Variants in CCDC122 observed in about 807,000 individuals in gnomAD.
CCDC122 encodes the protein coiled-coil domain-containing protein 122.
A neutral mutation model predicts 37.0 loss-of-function variants in CCDC122; 38 were observed. That is an observed-to-expected ratio of 1.03 (90% CI 0.79 to 1.35). CCDC122 has a LOEUF of 1.35. CCDC122 is among the 40% of genes most tolerant of loss of function. The pLI, the probability that CCDC122 is intolerant of heterozygous loss-of-function variation, is 0.00. For missense variants in CCDC122, 305 were observed against 310.0 expected (o/e 0.98, Z 0.12); for synonymous variants, 83 against 95.6 (o/e 0.87, Z 0.77).
intron 6 of CCDC122, chr13:43,854,773 A>T (rs933701420): frequency 6.6e-6 from 1 of 152,234 alleles, no homozygotes; most frequent in Admixed American, 6.5e-5. Flanking sequence ...AAGCTTATCC[A>T]TCACCATCAA....
chr13:43,861,821 C>A (rs1954113458), intron 4 of CCDC122, among the ~76,000 whole-genome samples: 1 of 152,142 alleles, frequency 6.6e-6, no homozygotes, highest in Admixed American at 6.5e-5. Flanking sequence ...AATTTACACA[C>A]CAAACATATT....
intron 6 of CCDC122, among the ~76,000 whole-genome samples, chr13:43,853,690 T>C (rs1427922122): frequency 6.6e-6 from 1 of 152,202 alleles, no homozygotes; most frequent in Non-Finnish European, 1.5e-5. Context: ...GAATATACAT[T>C]ATTCTCATCG....
Position 43,859,913 on chromosome 13 carries a change from A to G in CCDC122, c.314T>C (p.Val105Ala), listed in dbSNP as rs1349304691. 2 of 1,610,118 alleles carry G rather than the reference A, an allele frequency of 1.2e-6. No homozygotes were observed. The highest frequency in any genetic ancestry group is 1.3e-5 in the African/African-American group (1 of 74,814). The change falls in exon 5 of 7, where the codon GTA (valine) becomes GCA (alanine). Residue 105 changes from valine (V) to alanine (A), a missense_variant. Physicochemically the swap from Val to Ala is moderately conservative, Grantham distance 64 (BLOSUM62 0). Transcript: ENST00000444614. ...TQIKSLHSEN[V>A]KLKFDIETAQ... ...TGTTTCTATGTCAAATTTAAGCTTTACATTTTCTGAATGTAAGGATTTGAT... is the reference window on the plus strand; with the variant it reads ...TGTTTCTATGTCAAATTTAAGCTTTGCATTTTCTGAATGTAAGGATTTGAT...
At chr13:43,838,641 A>AG (rs1277345476) in intron 6 of CCDC122, among the ~76,000 whole-genome samples, 1 of 152,232 alleles carries the variant, frequency 6.6e-6, no homozygotes, top group African/African-American at 2.4e-5. Flanking sequence ...AATTGACACA[A>AG]GGCTGAGCAA....
chr13:43,823,542 T>C (rs1026241964), downstream of CCDC122, among the ~76,000 whole-genome samples: 2 of 152,240 alleles, frequency 1.3e-5, no homozygotes, highest in Non-Finnish European at 2.9e-5. Context: ...CCTTGTGCCC[T>C]AGATTACTCT....
downstream of CCDC122, among the ~76,000 whole-genome samples, chr13:43,834,304 T>G (rs1169014857): frequency 1.1e-4 from 17 of 152,128 alleles, no homozygotes; most frequent in Admixed American, 1.1e-3. Context: ...ATACAAAAAC[T>G]AATTCAAGAT....
At chr13:43,824,927 C>A (rs1362598186) in intron 3 of CCDC122, among the ~76,000 whole-genome samples, 1 of 152,130 alleles carries the variant, frequency 6.6e-6, no homozygotes, top group African/African-American at 2.4e-5. Context: ...AGAGAAAAGA[C>A]AATGCTTATA....
At chr13:43,854,848 AT>A (rs1953855639) in intron 6 of CCDC122, 1 of 152,222 alleles carries the variant, frequency 6.6e-6, no homozygotes, top group Admixed American at 6.5e-5. Flanking sequence ...ATGATTCATC[AT>A]ATAAACAGAA....
chr13:43,836,070 G>C (rs1953153173), downstream of CCDC122, among the ~76,000 whole-genome samples: 1 of 152,116 alleles, frequency 6.6e-6, no homozygotes, highest in Non-Finnish European at 1.5e-5. Flanking sequence ...AGAAAGGTAA[G>C]GAGAAAATGG....
At chr13:43,824,991 G>T (rs1356162214) in intron 3 of CCDC122, among the ~76,000 whole-genome samples, 1 of 152,106 alleles carries the variant, frequency 6.6e-6, no homozygotes, top group Non-Finnish European at 1.5e-5. Flanking sequence ...CAATTTGAAG[G>T]TTTCTCAAAA....
chr13:43,840,599 T>C (rs1309877532), intron 6 of CCDC122, among the ~76,000 whole-genome samples: 1 of 152,094 alleles, frequency 6.6e-6, no homozygotes, highest in Non-Finnish European at 1.5e-5. Context: ...GTGTTCTCAT[T>C]GTTCAATTCC....
At chr13:43,845,669 G>A (rs1375505150) in intron 6 of CCDC122, among the ~76,000 whole-genome samples, 1 of 152,128 alleles carries the variant, frequency 6.6e-6, no homozygotes, top group African/African-American at 2.4e-5. Flanking sequence ...CTGAGATCTT[G>A]CCACTGCACT....
At chr13:43,866,512 A>T (rs953336471) in intron 4 of CCDC122, among the ~76,000 whole-genome samples, 1 of 152,208 alleles carries the variant, frequency 6.6e-6, no homozygotes, top group African/African-American at 2.4e-5. Context: ...TTTCATGTAT[A>T]AATAAAATTG....
chr13:43,825,467 G>T (rs1396625825), intron 3 of CCDC122, among the ~76,000 whole-genome samples: 1 of 150,924 alleles, frequency 6.6e-6, no homozygotes, highest in East Asian at 2.0e-4. Context: ...TAGAGATTGG[G>T]GACTCTAAAA....
intron 3 of CCDC122, among the ~76,000 whole-genome samples, chr13:43,830,021 A>T (rs950548066): frequency 2.6e-5 from 4 of 151,672 alleles, no homozygotes; most frequent in Admixed American, 6.6e-5. Flanking sequence ...GATTACAGGG[A>T]CGCATCACCA....
intron 6 of CCDC122, among the ~76,000 whole-genome samples, chr13:43,853,755 A>G (rs1953819642): frequency 6.6e-6 from 1 of 152,242 alleles, no homozygotes; most frequent in Admixed American, 6.5e-5. Context: ...AACACTCCTC[A>G]GCAAATGTGA....
chr13:43,839,856 C>T (rs548204443), intron 6 of CCDC122, among the ~76,000 whole-genome samples: 8 of 152,118 alleles, frequency 5.3e-5, no homozygotes, highest in Admixed American at 1.3e-4. Flanking sequence ...ATGAATGATT[C>T]GCAAACTGGA....
At chr13:43,876,778 T>C (rs1056464867) in intron 1 of CCDC122, among the ~76,000 whole-genome samples, 1 of 152,226 alleles carries the variant, frequency 6.6e-6, no homozygotes, top group African/African-American at 2.4e-5. Context: ...CTATGTTTAA[T>C]ATTTTGGAAA....
intron 3 of CCDC122, among the ~76,000 whole-genome samples, chr13:43,828,135 A>C (rs1302866208): frequency 6.6e-6 from 1 of 152,166 alleles, no homozygotes; most frequent in Non-Finnish European, 1.5e-5. Flanking sequence ...TAGAAGAGGC[A>C]TTACATGCTC....
Sources: gnomAD v4.1 joint callset for allele counts (sites outside exome capture counted in the v4.1 genomes callset) on GRCh38, gnomAD v4.1.1 for gene constraint, MANE v1.5 for transcripts, NCBI Gene and HGNC (gene_info 2026-07-23, HGNC 2026-07-21) for gene names.